RPE65: variants seen among roughly 807,000 people sequenced by gnomAD.
RPE65 encodes retinoid isomerohydrolase RPE65.
A neutral mutation model predicts 68.5 loss-of-function variants in RPE65; 58 were observed. The ratio of observed to expected loss-of-function variants is 0.85; its 90% CI spans 0.69 to 1.05. The LOEUF is 1.05. RPE65 is among the 50% of genes least tolerant of loss of function. The probability of loss-of-function intolerance (pLI) is 0.00; values close to 1 mark genes in which losing one functional copy is unlikely to be tolerated. For missense variants in RPE65, 643 were observed against 629.9 expected, an observed-to-expected ratio of 1.02 and a Z score of -0.22; for synonymous variants, 220 against 222.2, an observed-to-expected ratio of 0.99 and a Z score of 0.09.
chr1:68,436,999 C>T (rs1196815768), intron 10 of RPE65, among the ~76,000 whole-genome samples: 1 of 152,200 alleles, frequency 6.6e-6, no homozygotes, highest in Non-Finnish European at 1.5e-5. Flanking sequence ...TTATTTGCCT[C>T]ATTGCATTAA....
chr1:68,448,599 T>A lies in RPE65; in HGVS notation c.94+25A>T, dbSNP rs1242086355. The A allele has an allele frequency of 6.8e-6, 11 of 1,607,194 alleles. No individual in the cohort carries two copies. In the East Asian group the frequency reaches 2.2e-4, roughly 33 times the overall value. ...GAAGAGAGACTGACATAAAAGAGGATGGCTTCAAGATGGGCGAGACCAACC... is the reference window on the plus strand; with the variant it reads ...GAAGAGAGACTGACATAAAAGAGGAAGGCTTCAAGATGGGCGAGACCAACC... On this transcript the variant is annotated intron_variant, in intron 2 of 13. Coordinates refer to ENST00000262340, the MANE Select transcript of RPE65 (RefSeq NM_000329.3).
chr1:68,449,709 A>G (rs889965142), intron 1 of RPE65, among the ~76,000 whole-genome samples, 186 bp downstream of exon 1: 1 of 152,194 alleles, frequency 6.6e-6, no homozygotes, highest in Non-Finnish European at 1.5e-5. Flanking sequence ...CAAACCCCCC[A>G]TAATTTGGAC....
In RPE65 at chr1:68,446,849, G is replaced by A. The variant is rs371586530; in HGVS notation, c.106C>T (p.Leu36Phe). 124 of 1,613,416 alleles carry A rather than the reference G, an allele frequency of 7.7e-5. No homozygotes were observed. The highest frequency in any genetic ancestry group is 1.0e-4 in the Non-Finnish European group (119 of 1,180,040). The change falls in exon 3 of 14, where the codon CTC becomes TTC. Residue 36 changes from leucine (L) to phenylalanine (F), a missense_variant. Leu to Phe is a conservative substitution (Grantham distance 22). Coordinates refer to ENST00000262340, the MANE Select transcript of RPE65 (RefSeq NM_000329.3). Reference sequence around the variant, plus strand: ...CGAAGGAGACTGCCGGTGAGCCAGAGGGGGATCCTGCCTGTGATGAAGGGG... The same window carrying A: ...CGAAGGAGACTGCCGGTGAGCCAGAAGGGGATCCTGCCTGTGATGAAGGGG... Reference protein sequence around the residue: ...LTAHVTGRIPLWLTGSLLRCG... With the variant: ...LTAHVTGRIPFWLTGSLLRCG...
intron 5 of RPE65, among the ~76,000 whole-genome samples, chr1:68,442,612 T>A (rs2100824112): frequency 6.6e-6 from 1 of 152,326 alleles, no homozygotes; most frequent in African/African-American, 2.4e-5. Flanking sequence ...CAATCAAAAA[T>A]TTCACATTTT....
In RPE65 at chr1:68,444,761, T is replaced by C; in HGVS notation, c.353+15A>G. On this transcript the variant is annotated intron_variant, in intron 4 of 13. Transcript: ENST00000262340. ...ATAAAATGTCTTGAGTAACATTCAGTTTGGGTTCAGTAACCTGGAAAATAT... is the reference window on the plus strand; with the variant it reads ...ATAAAATGTCTTGAGTAACATTCAGCTTGGGTTCAGTAACCTGGAAAATAT... The C allele has an allele frequency of 1.9e-6, 3 of 1,614,040 alleles. No homozygotes were observed.
At chr1:68,438,659 C>T (rs1031565411) in intron 9 of RPE65, among the ~76,000 whole-genome samples, 1 of 152,170 alleles carries the variant, frequency 6.6e-6, no homozygotes, top group African/African-American at 2.4e-5. Flanking sequence ...AGATGGGGCT[C>T]AAGTTTCCCC....
chr1:68,432,107 C>T (rs1007713561), intron 10 of RPE65, among the ~76,000 whole-genome samples: 1 of 147,564 alleles, frequency 6.8e-6, no homozygotes, highest in Non-Finnish European at 1.5e-5. Flanking sequence ...CCTAAGATCT[C>T]TTGTCACACA....
chr1:68,444,478 AT>A, intron 5 of RPE65, 52 bp downstream of exon 5: 1 of 1,606,302 alleles, frequency 6.2e-7, no homozygotes, highest in Non-Finnish European at 8.5e-7. Flanking sequence ...TGTTGAATTA[AT>A]TTTAAGTTCC....
rs183068296 is a variant in RPE65 at position 68,443,047 on chromosome 1, C to T, written c.495+1484G>A. Among the ~76,000 whole-genome samples, 20 of 152,266 alleles carry T rather than the reference C, an allele frequency of 1.3e-4. No homozygotes were observed. In the East Asian group the frequency reaches 3.5e-3, roughly 26 times the overall value. On this transcript the variant is annotated intron_variant, in intron 5 of 13. Coordinates refer to ENST00000262340, the MANE Select transcript of RPE65 (RefSeq NM_000329.3). ...ATCTCTTTTGCCTTCCCGTACAGCCCACACATGGCTCCCCAAATAAACATC... is the reference window on the plus strand; with the variant it reads ...ATCTCTTTTGCCTTCCCGTACAGCCTACACATGGCTCCCCAAATAAACATC...
At chr1:68,432,130 C>A (rs1191865470) in intron 10 of RPE65, among the ~76,000 whole-genome samples, 2 of 148,334 alleles carry the variant, frequency 1.3e-5, no homozygotes, top group Non-Finnish European at 3.0e-5. Flanking sequence ...CATGATTTTT[C>A]TGATTATTTT....
At chr1:68,430,973 T>C in intron 13 of RPE65, 92 bp downstream of exon 13, 1 of 964,072 alleles carries the variant, frequency 1.0e-6, no homozygotes, top group African/African-American at 1.6e-5. Context: ...TTTTGAGTAT[T>C]ACGGAATAAT....
rs1336566741 is a variant in RPE65 at position 68,441,985 on chromosome 1, C to A, written c.496-985G>T. On this transcript the variant is annotated intron_variant, in intron 5 of 13. Transcript: ENST00000262340. ...GCTTTCAAGAACTTCATTCTAGACC[C>A]GTGCTGTTCTATTAATACAGGACCA... Among the ~76,000 whole-genome samples the A allele has an allele frequency of 2.6e-5, 4 of 152,112 alleles. No individual in the cohort carries two copies. In the South Asian group the frequency reaches 8.3e-4, roughly 32 times the overall value.
intron 13 of RPE65, 42 bp downstream of exon 13, chr1:68,431,023 G>T: frequency 6.8e-7 from 1 of 1,477,884 alleles, no homozygotes; most frequent in Non-Finnish European, 9.5e-7. Flanking sequence ...ATACAGAACT[G>T]CAGTAAGAAG....
intron 13 of RPE65, among the ~76,000 whole-genome samples, chr1:68,430,810 T>C (rs1217851405): frequency 2.0e-5 from 3 of 152,186 alleles, no homozygotes; most frequent in African/African-American, 7.2e-5. Flanking sequence ...CTCTCCCTCA[T>C]CTAGAGCAGA....
intron 5 of RPE65, among the ~76,000 whole-genome samples, chr1:68,443,342 G>A (rs1029858855): frequency 1.3e-5 from 2 of 152,188 alleles, no homozygotes; most frequent in Admixed American, 1.3e-4. Context: ...TTTAGTGGAT[G>A]AGGCCAGGGA....
chr1:68,437,940 G>A (rs1317784463), intron 10 of RPE65, among the ~76,000 whole-genome samples: 2 of 152,152 alleles, frequency 1.3e-5, no homozygotes, highest in Non-Finnish European at 2.9e-5. Context: ...ATACAAGAAC[G>A]GCAGATTTAG....
intron 5 of RPE65, 124 bp from the exon 6 acceptor site, chr1:68,441,124 A>G (rs1199827480): frequency 8.9e-7 from 1 of 1,119,316 alleles, no homozygotes; most frequent in African/African-American, 1.6e-5. Context: ...CTTTCTTCCC[A>G]TCTCTCTGGA....
Position 68,429,927 on chromosome 1 carries a change from C to T in RPE65, c.1451G>A (p.Gly484Asp), listed in dbSNP as rs62653015. The change falls in exon 14 of 14, where the codon GGT (glycine) becomes GAT (aspartate). Residue 484 changes from glycine (G) to aspartate (D), a missense_variant and splice_region_variant. Transcript: ENST00000262340. ...GCTCACCACCACACTCAGAACTACA[C>T]CTGTTTATCAGAAGTAAATTAGGCA... is the stretch of plus-strand genomic sequence containing the variant. ...SHPDALEEDD[G>D]VVLSVVVSPG... 4.3e-6 allele frequency: 7 copies of T among 1,613,640 alleles called. No homozygotes were observed. Among genetic ancestry groups the T allele is most frequent in the South Asian group, 1.1e-5 (1 of 91,074 alleles).
At chr1:68,444,144 G>T (rs184881429) in intron 5 of RPE65, among the ~76,000 whole-genome samples, 177 of 152,224 alleles carry the variant, frequency 1.2e-3, no homozygotes, top group Middle Eastern at 0.01. Context: ...TTCTGAATAT[G>T]GAAAGCACTT....
Sources: gnomAD v4.1 joint callset for allele counts (sites outside exome capture counted in the v4.1 genomes callset) on GRCh38, gnomAD v4.1.1 for gene constraint, MANE v1.5 for transcripts, NCBI Gene and HGNC (gene_info 2026-07-23, HGNC 2026-07-21) for gene names.